The following MAP1LC3B variants were observed in gnomAD, a reference collection of about 807,000 sequenced individuals.
MAP1LC3B encodes microtubule associated protein 1 light chain 3 beta, also known as microtubule-associated protein 1 light chain 3 beta.
In MAP1LC3B, 12 loss-of-function variants were observed where a neutral mutation model predicts 16.7. The ratio of observed to expected loss-of-function variants is 0.72; its 90% CI spans 0.46 to 1.16. The LOEUF (loss-of-function observed/expected upper bound fraction) is 1.16. Ranked by LOEUF, MAP1LC3B falls within the 50% of genes most tolerant of loss-of-function variation. The probability of loss-of-function intolerance (pLI) is 0.00; values close to 1 mark genes in which losing one functional copy is unlikely to be tolerated. For synonymous variants in MAP1LC3B, 63 were observed against 56.5 expected (o/e 1.11, Z -0.51); for missense variants, 155 against 159.5 (o/e 0.97, Z 0.15).
intron 2 of MAP1LC3B, chr16:87,399,662 G>T: frequency 4.4e-6 from 2 of 451,984 alleles, no homozygotes; most frequent in Non-Finnish European, 8.9e-6. Flanking sequence ...ACACTAATGA[G>T]ACTCAGAGGC....
At chr16:87,401,561 C>G (rs886428695) in intron 2 of MAP1LC3B, among the ~76,000 whole-genome samples, 1 of 152,240 alleles carries the variant, frequency 6.6e-6, no homozygotes, top group East Asian at 1.9e-4. Flanking sequence ...TGGAGACAGT[C>G]TAGCTCTATG....
At chr16:87,396,279 T>C (rs1907799552) in intron 1 of MAP1LC3B, among the ~76,000 whole-genome samples, 1 of 151,268 alleles carries the variant, frequency 6.6e-6, no homozygotes, top group Admixed American at 6.6e-5. Flanking sequence ...ATTGAGACCA[T>C]CCTGGCTAAC....
rs550535300 is a variant in MAP1LC3B, at chr16:87,401,836, C to CTT, written c.97-326_97-325dup. The stretch of plus-strand genomic sequence containing the variant: ...TGTGCCACCATGCCCAGCCTGATGA[C>CTT]TTTTTTTTTTTTTTGAGATGGAGTC... On this transcript the variant is annotated intron_variant, in intron 2 of 3. Coordinates refer to ENST00000268607, the MANE Select transcript of MAP1LC3B (RefSeq NM_022818.5). Among the ~76,000 whole-genome samples the CTT allele has an allele frequency of 8.2e-4, 116 of 141,528 alleles. 1 individual carries two copies. The highest frequency in any genetic ancestry group is 2.8e-3 in the African/African-American group (107 of 38,868). 92.8% of individuals were successfully genotyped at this position (141,528 alleles called of 152,430 possible). A position where few individuals can be genotyped will look rare whatever the true frequency, so the allele number is the denominator to read the frequency against.
intron 1 of MAP1LC3B, among the ~76,000 whole-genome samples, chr16:87,394,922 A>G (rs1182327992): frequency 6.7e-6 from 1 of 150,364 alleles, no homozygotes; most frequent in South Asian, 2.1e-4. Flanking sequence ...AAAGAAACCA[A>G]ACAGACAAAT....
At chr16:87,401,989 T>C (rs1482504179) in intron 2 of MAP1LC3B, among the ~76,000 whole-genome samples, 186 bp from the exon 3 acceptor site, 6 of 152,082 alleles carry the variant, frequency 3.9e-5, no homozygotes, top group South Asian at 2.1e-4. Flanking sequence ...CCCGCCACCA[T>C]GCCCGGCTAA....
chr16:87,398,818 A>G lies in MAP1LC3B; in HGVS notation c.44A>G (p.Gln15Arg), dbSNP rs755252288. 6 of 1,614,036 alleles carry G rather than the reference A, an allele frequency of 3.7e-6. No homozygotes were observed. The highest frequency in any genetic ancestry group is 1.3e-5 in the African/African-American group (1 of 74,946). ...CTGTCTCTTCATTTCATTGCAGAAC[A>G]AAGAGTAGAAGATGTCCGACTTATT... Reference protein sequence around the residue: ...KTFKQRRTFEQRVEDVRLIRE... With the variant: ...KTFKQRRTFERRVEDVRLIRE... The change falls in exon 2 of 4, where the codon CAA becomes CGA. Residue 15 changes from glutamine to arginine, a missense_variant. Transcript: ENST00000268607.
chr16:87,401,355 G>A (rs1907987339), intron 2 of MAP1LC3B, among the ~76,000 whole-genome samples: 1 of 152,134 alleles, frequency 6.6e-6, no homozygotes, highest in Non-Finnish European at 1.5e-5. Context: ...CCTACCTGAC[G>A]GCAGACATAT....
At chr16:87,393,320 G>C (rs1907674704) in intron 1 of MAP1LC3B, 1 of 152,220 alleles carries the variant, frequency 6.6e-6, no homozygotes, top group Admixed American at 6.5e-5. Context: ...GCAGATCCAG[G>C]TATCTGTTGT....
At chr16:87,397,591 C>T (rs1373441136) in intron 1 of MAP1LC3B, among the ~76,000 whole-genome samples, 1 of 152,146 alleles carries the variant, frequency 6.6e-6, no homozygotes, top group Non-Finnish European at 1.5e-5. Flanking sequence ...GCACTCCAGC[C>T]TGGGCAACAG....
rs1908081104 is a variant in MAP1LC3B, at chr16:87,403,836, A to C, written c.*739A>C. 6.6e-6 allele frequency: 1 copy of C among 152,242 alleles called. No individual in the cohort carries two copies. The highest frequency in any genetic ancestry group is 1.5e-5 in the Non-Finnish European group (1 of 68,044). 9.4% of individuals were successfully genotyped at this position (152,242 alleles called of 1,614,324 possible). On this transcript the variant is annotated 3_prime_UTR_variant, in exon 4 of 4. Transcript: ENST00000268607. ...GAGTTTCTTAAAAGACCCTGGAGAA[A>C]GAGTGGCATTTCTTCTGTTTCAGGT...
rs189118678 is a variant in MAP1LC3B at position 87,395,127 on chromosome 16, A to G, written c.40+2660A>G. On this transcript the variant is annotated intron_variant, in intron 1 of 3. Coordinates refer to ENST00000268607, the MANE Select transcript of MAP1LC3B (RefSeq NM_022818.5). ...AAAAACTGAAATTTTACTTAAAATG[A>G]CTGAAGATATCTCAAAACAACTTTG... Among the ~76,000 whole-genome samples, 30 of 152,356 alleles carry G rather than the reference A, an allele frequency of 2.0e-4. No homozygotes were observed. In the East Asian group the frequency reaches 3.1e-3, roughly 16 times the overall value.
At position 87,394,185 on chromosome 16, in the gene MAP1LC3B, C is replaced by T. The variant is rs906075653; in HGVS notation, c.40+1718C>T. ...CCCTTGGCTCACCTTTATTTTGCCC[C>T]CTCCCCTTTAAATATCTCTTTAATA... On this transcript the variant is annotated intron_variant, in intron 1 of 3. Coordinates refer to ENST00000268607, the MANE Select transcript of MAP1LC3B (RefSeq NM_022818.5). Among the ~76,000 whole-genome samples the T allele has an allele frequency of 4.0e-5, 6 of 151,848 alleles. 1 individual carries two copies. Among genetic ancestry groups the T allele is most frequent in the African/African-American group, 1.5e-4 (6 of 41,330 alleles).
chr16:87,392,853 G>C (rs1435134392), intron 1 of MAP1LC3B: 1 of 152,024 alleles, frequency 6.6e-6, no homozygotes, highest in Non-Finnish European at 1.5e-5. Flanking sequence ...TGCGGGCGAG[G>C]GTCGCGCTTC....
intron 1 of MAP1LC3B, among the ~76,000 whole-genome samples, chr16:87,394,996 T>A (rs1338457712): frequency 7.2e-6 from 1 of 139,544 alleles, no homozygotes. Context: ...CCTCCCACCT[T>A]GGTTTCCCAA....
chr16:87,404,112 A>C lies in MAP1LC3B; in HGVS notation c.*1015A>C, dbSNP rs920695611. 14 of 152,188 alleles carry C rather than the reference A, an allele frequency of 9.2e-5. No homozygotes were observed. The highest frequency in any genetic ancestry group is 8.5e-4 in the Admixed American group (13 of 15,276). The allele number at this position is 152,188 out of a possible 1,614,324, so 9.4% of individuals were successfully genotyped here. A position where few individuals can be genotyped will look rare whatever the true frequency, so the allele number is the denominator to read the frequency against. On this transcript the variant is annotated 3_prime_UTR_variant, in exon 4 of 4. Coordinates refer to ENST00000268607, the MANE Select transcript of MAP1LC3B (RefSeq NM_022818.5). Reference sequence around the variant, plus strand: ...ATAGTAGTTATCACTCTTAGGTCAGACAGCCATCAGAATTCTCCCACACCA... The same window carrying C: ...ATAGTAGTTATCACTCTTAGGTCAGCCAGCCATCAGAATTCTCCCACACCA...
intron 1 of MAP1LC3B, among the ~76,000 whole-genome samples, chr16:87,395,769 G>A (rs1391602142): frequency 2.7e-5 from 4 of 150,826 alleles, no homozygotes; most frequent in Non-Finnish European, 5.9e-5. Context: ...GTCGTGTTTT[G>A]GGAATAAATC....
At chr16:87,392,817 G>C (rs1310087084) in intron 1 of MAP1LC3B, 1 of 152,268 alleles carries the variant, frequency 6.6e-6, no homozygotes, top group Non-Finnish European at 1.5e-5. Context: ...GCCGTACCCC[G>C]GCCACCGCCG....
chr16:87,395,366 G>C (rs562902067), intron 1 of MAP1LC3B, among the ~76,000 whole-genome samples: 3 of 152,262 alleles, frequency 2.0e-5, no homozygotes, highest in South Asian at 2.1e-4. Context: ...CTGAGCCCTG[G>C]GGGGACACAG....
intron 1 of MAP1LC3B, among the ~76,000 whole-genome samples, chr16:87,396,097 G>A (rs1239414639): frequency 1.3e-5 from 2 of 151,474 alleles, no homozygotes; most frequent in Admixed American, 6.6e-5. Context: ...CTGACCTCAG[G>A]TGATCCGCCC....
Sources: allele counts gnomAD v4.1 joint callset (sites outside exome capture counted in the v4.1 genomes callset), GRCh38; gene constraint gnomAD v4.1.1; transcripts MANE v1.5; gene names NCBI Gene and HGNC (gene_info 2026-07-23, HGNC 2026-07-21).